The following HPCAL1 variants were observed in gnomAD, a reference collection of about 807,000 sequenced individuals.
HPCAL1 encodes hippocalcin-like protein 1.
A neutral mutation model predicts 17.1 loss-of-function variants in HPCAL1; 8 were observed. That is an observed-to-expected ratio of 0.47 (90% CI 0.27 to 0.84). The LOEUF (loss-of-function observed/expected upper bound fraction) is 0.84, where lower values mean the gene tolerates loss of function less well. Ranked by LOEUF, HPCAL1 falls within the 40% of genes least tolerant of loss-of-function variation. The pLI is 0.13. For synonymous variants in HPCAL1, 112 were observed against 111.4 expected (o/e 1.01, Z -0.03); for missense variants, 165 against 271.1 (o/e 0.61, Z 2.75).
intron 3 of HPCAL1, among the ~76,000 whole-genome samples, chr2:10,421,984 A>C (rs1370387714): frequency 6.6e-6 from 1 of 152,146 alleles, no homozygotes; most frequent in Non-Finnish European, 1.5e-5. Context: ...CCCAGGAATC[A>C]CCCGTCCTGT....
Position 10,377,138 on chromosome 2 carries a change from G to A in HPCAL1, c.-110-19697G>A, listed in dbSNP as rs538008570. 2.2e-4 allele frequency among the ~76,000 whole-genome samples: 33 copies of A among 152,298 alleles called. No individual in the cohort carries two copies. The highest frequency in any genetic ancestry group is 7.2e-4 in the African/African-American group (30 of 41,562). Reference sequence around the variant, plus strand: ...AGTACTCTGTTCCTGGGTGTGCACCGTTAACTTCTTTAATGAACATCCTGC... The same window carrying A: ...AGTACTCTGTTCCTGGGTGTGCACCATTAACTTCTTTAATGAACATCCTGC... On this transcript the variant is annotated intron_variant, in intron 1 of 4. Transcript: ENST00000307845. This position sits in a 1 kb window ranked among gnomAD's most constrained non-coding sequence, Gnocchi z 5.9.
At chr2:10,412,275 C>G (rs901398862) in intron 2 of HPCAL1, among the ~76,000 whole-genome samples, 1 of 152,260 alleles carries the variant, frequency 6.6e-6, no homozygotes, top group South Asian at 2.1e-4. Context: ...CAGGGAACGA[C>G]TTTCCTCCTG....
chr2:10,323,354 C>T lies in HPCAL1; in HGVS notation c.-111+20177C>T, dbSNP rs972937137. Among the ~76,000 whole-genome samples the T allele has an allele frequency of 4.6e-5, 7 of 152,198 alleles. No individual in the cohort carries two copies. The highest frequency in any genetic ancestry group is 7.2e-5 in the African/African-American group (3 of 41,458). On this transcript the variant is annotated intron_variant, in intron 1 of 4. Coordinates refer to ENST00000307845, the MANE Select transcript of HPCAL1 (RefSeq NM_002149.4). The surrounding 1 kb of genome is among the most constrained non-coding windows in gnomAD (Gnocchi z 4.6). ...TTAGAGCACCTTTCAGGGGGAATGGCGTAAAAAAGCCTTCCTTTCCAGTAG... is the reference window on the plus strand; with the variant it reads ...TTAGAGCACCTTTCAGGGGGAATGGTGTAAAAAAGCCTTCCTTTCCAGTAG...
chr2:10,405,600 C>T (rs547050332), intron 2 of HPCAL1, among the ~76,000 whole-genome samples: 5 of 152,342 alleles, frequency 3.3e-5, no homozygotes, highest in African/African-American at 4.8e-5. Flanking sequence ...TGCCATCTGA[C>T]GCGTAGATCT....
chr2:10,341,383 C>T (rs564769314), intron 1 of HPCAL1, among the ~76,000 whole-genome samples: 3 of 152,118 alleles, frequency 2.0e-5, no homozygotes, highest in Admixed American at 1.3e-4. Flanking sequence ...CCCAGGAAGT[C>T]GAGGCTGCAG....
intron 1 of HPCAL1, among the ~76,000 whole-genome samples, chr2:10,347,117 C>G (rs955446222): frequency 6.6e-6 from 1 of 152,162 alleles, no homozygotes; most frequent in Non-Finnish European, 1.5e-5. Context: ...CCCCGCCCCC[C>G]GCAGGTGCTG....
intron 2 of HPCAL1, among the ~76,000 whole-genome samples, chr2:10,417,317 C>T (rs1294937774): frequency 2.0e-5 from 3 of 151,558 alleles, no homozygotes; most frequent in South Asian, 2.1e-4. Context: ...GAGCTGAGAT[C>T]GCTCCATTGC....
intron 2 of HPCAL1, among the ~76,000 whole-genome samples, chr2:10,410,570 G>A (rs1000547971): frequency 1.4e-4 from 21 of 148,372 alleles, no homozygotes; most frequent in Admixed American, 6.9e-4. Context: ...GAATTACAAC[G>A]TCATCTCTGA....
At chr2:10,350,409 C>G (rs1665769172) in intron 1 of HPCAL1, among the ~76,000 whole-genome samples, 1 of 150,606 alleles carries the variant, frequency 6.6e-6, no homozygotes, top group Non-Finnish European at 1.5e-5. Context: ...TTCTTGGGCT[C>G]AAGCAATCCC....
intron 1 of HPCAL1, among the ~76,000 whole-genome samples, chr2:10,370,138 G>T (rs566944128): frequency 7.6e-4 from 115 of 152,296 alleles, no homozygotes; most frequent in Non-Finnish European, 1.3e-3. Flanking sequence ...GCTAATCTGC[G>T]CACCCTCTTT....
intron 1 of HPCAL1, among the ~76,000 whole-genome samples, chr2:10,335,205 C>A (rs966856501): frequency 2.0e-5 from 3 of 152,194 alleles, no homozygotes; most frequent in Non-Finnish European, 2.9e-5. Flanking sequence ...ACAAATAGAA[C>A]ACAGCAGGAG....
intron 1 of HPCAL1, among the ~76,000 whole-genome samples, chr2:10,375,443 C>T (rs556533393): frequency 2.6e-5 from 4 of 152,084 alleles, no homozygotes; most frequent in Non-Finnish European, 4.4e-5. Flanking sequence ...TGCATCAGAG[C>T]CGTGGGGGAG....
At chr2:10,368,324 G>T (rs1023003408) in intron 1 of HPCAL1, among the ~76,000 whole-genome samples, 1 of 151,656 alleles carries the variant, frequency 6.6e-6, no homozygotes, top group African/African-American at 2.4e-5. Flanking sequence ...GCACGTGTGG[G>T]TGTGTGTGCA....
chr2:10,332,801 G>A lies in HPCAL1; in HGVS notation c.-111+29624G>A, dbSNP rs746572762. Among the ~76,000 whole-genome samples, 195 of 152,308 alleles carry A rather than the reference G, an allele frequency of 1.3e-3. 1 individual carries two copies. The highest frequency in any genetic ancestry group is 4.1e-3 in the Admixed American group (63 of 15,300). On this transcript the variant is annotated intron_variant, in intron 1 of 4. Coordinates refer to ENST00000307845, the MANE Select transcript of HPCAL1 (RefSeq NM_002149.4). ...GCAGGGGGGGACTTTGATGTCAAAG[G>A]TGGGGATGAGGACTGATTGGATCTC...
chr2:10,328,338 T>A (rs1433900750), intron 1 of HPCAL1, among the ~76,000 whole-genome samples: 1 of 152,228 alleles, frequency 6.6e-6, no homozygotes, highest in Non-Finnish European at 1.5e-5. Flanking sequence ...TGTTCAGTAA[T>A]GTTTGCTGAC....
rs1663827164 is a variant in HPCAL1, at chr2:10,323,857, C to T, written c.-111+20680C>T. ...CTTGTCGGAACTTCCATATACACTT[C>T]CACTGGCTACTTCATGGAAACATCT... is the stretch of plus-strand genomic sequence containing the variant. On this transcript the variant is annotated intron_variant, in intron 1 of 4. Coordinates refer to ENST00000307845, the MANE Select transcript of HPCAL1 (RefSeq NM_002149.4). The surrounding 1 kb of genome is among the most constrained non-coding windows in gnomAD (Gnocchi z 4.6). Among the ~76,000 whole-genome samples, 1 of 152,238 alleles carries T rather than the reference C, an allele frequency of 6.6e-6. No individual in the cohort carries two copies. Among genetic ancestry groups the T allele is most frequent in the Non-Finnish European group, 1.5e-5 (1 of 68,046 alleles).
In HPCAL1 at chr2:10,320,979, G is replaced by C. The variant is rs1275619063; in HGVS notation, c.-111+17802G>C. ...GAGGGTGAGGGTATTGGATGGAAGA[G>C]CGTGAGTGTATTAGGCCGTTCCACA... On this transcript the variant is annotated intron_variant, in intron 1 of 4. Coordinates refer to ENST00000307845, the MANE Select transcript of HPCAL1 (RefSeq NM_002149.4). Among the ~76,000 whole-genome samples the C allele has an allele frequency of 3.9e-5, 6 of 152,318 alleles. 1 individual carries two copies. In the South Asian group the frequency reaches 1.2e-3, roughly 32 times the overall value.
intron 1 of HPCAL1, among the ~76,000 whole-genome samples, chr2:10,371,461 C>G (rs1426590812): frequency 1.3e-5 from 2 of 151,972 alleles, no homozygotes; most frequent in African/African-American, 2.4e-5. Flanking sequence ...GACTGGATAG[C>G]CCCACCTGGG....
At chr2:10,346,838 A>G (rs1023375426) in intron 1 of HPCAL1, among the ~76,000 whole-genome samples, 4 of 150,556 alleles carry the variant, frequency 2.7e-5, no homozygotes, top group African/African-American at 4.9e-5. Flanking sequence ...CCCAGCACAG[A>G]CAGGCCCTGG....
Sources: allele counts gnomAD v4.1 joint callset (sites outside exome capture counted in the v4.1 genomes callset), GRCh38; gene constraint gnomAD v4.1.1; non-coding constraint Gnocchi (gnomAD v3.1); transcripts MANE v1.5; gene names NCBI Gene and HGNC (gene_info 2026-07-23, HGNC 2026-07-21).